Variants in MARCHF1 observed in about 807,000 individuals in gnomAD.
MARCHF1 encodes the protein membrane associated ring-CH-type finger 1.
Under a neutral mutation model 54.2 loss-of-function variants are expected in MARCHF1, and 40 were observed. The ratio of observed to expected loss-of-function variants is 0.74; its 90% CI spans 0.57 to 0.96. The LOEUF is 0.96. Ranked by LOEUF, MARCHF1 falls within the 40% of genes least tolerant of loss-of-function variation. The pLI is 0.00. For synonymous variants in MARCHF1, 236 were observed against 236.3 expected (o/e 1.00, Z 0.01); for missense variants, 586 against 656.5 (o/e 0.89, Z 1.17).
intron 3 of MARCHF1, among the ~76,000 whole-genome samples, chr4:163,934,656 A>T (rs1302272197): frequency 6.7e-6 from 1 of 149,196 alleles, no homozygotes; most frequent in Non-Finnish European, 1.5e-5. Flanking sequence ...CAATTCAGTC[A>T]TATCTTCAGG....
At chr4:163,550,507 C>CTTTT (rs35963243) in intron 8 of MARCHF1, among the ~76,000 whole-genome samples, 1 of 142,218 alleles carries the variant, frequency 7.0e-6, no homozygotes, top group African/African-American at 2.6e-5. Context: ...TACGGTAGCC[C>CTTTT]TTTTTTTTTT....
At chr4:163,860,178 C>T (rs1749885411) in intron 3 of MARCHF1, among the ~76,000 whole-genome samples, 1 of 152,100 alleles carries the variant, frequency 6.6e-6, no homozygotes, top group South Asian at 2.1e-4. Context: ...TTTCAGAATA[C>T]ATGGAGAGAA....
intron 4 of MARCHF1, among the ~76,000 whole-genome samples, chr4:163,720,487 C>G (rs1038387314): frequency 9.9e-5 from 15 of 152,064 alleles, no homozygotes; most frequent in Non-Finnish European, 1.9e-4. Flanking sequence ...GTTCTTTTGG[C>G]TTAAGATTGT....
At chr4:164,322,779 A>G (rs528135154) in intron 1 of MARCHF1, among the ~76,000 whole-genome samples, 1 of 152,204 alleles carries the variant, frequency 6.6e-6, no homozygotes, top group Non-Finnish European at 1.5e-5. Context: ...ATGAAGACAG[A>G]AAGAATGCAA....
intron 1 of MARCHF1, among the ~76,000 whole-genome samples, chr4:164,193,390 TGCGA>T (rs1731171413): frequency 6.6e-6 from 1 of 152,060 alleles, no homozygotes; most frequent in African/African-American, 2.4e-5. Context: ...GAAGTTGATT[TGCGA>T]GCTATGCTCC....
chr4:164,137,786 A>G (rs1165708215), intron 1 of MARCHF1, among the ~76,000 whole-genome samples: 1 of 152,172 alleles, frequency 6.6e-6, no homozygotes, highest in Non-Finnish European at 1.5e-5. Flanking sequence ...CCTTGTTATG[A>G]TAGAACTAAA....
At chr4:164,146,778 C>T (rs1474753696) in intron 1 of MARCHF1, among the ~76,000 whole-genome samples, 2 of 152,138 alleles carry the variant, frequency 1.3e-5, no homozygotes, top group African/African-American at 4.8e-5. Context: ...AACTTCATGT[C>T]TAAAACACCA....
rs72989556 is a variant in MARCHF1, at chr4:164,283,879, T to C, written c.-323+99991A>G. On this transcript the variant is annotated intron_variant, in intron 1 of 9. Transcript: ENST00000514618. Reference sequence around the variant, plus strand: ...AATTTTCATTTCTGATTTGATCTAATGTATTCTATTTATCCACATGAGGTT... The same window carrying C: ...AATTTTCATTTCTGATTTGATCTAACGTATTCTATTTATCCACATGAGGTT... 6.1e-3 allele frequency among the ~76,000 whole-genome samples: 922 copies of C among 151,134 alleles called. 31 individuals carry two copies. Among genetic ancestry groups the C allele is most frequent in the African/African-American group, 0.022 (892 of 41,272 alleles).
chr4:163,960,468 T>C (rs1472693309), intron 3 of MARCHF1, among the ~76,000 whole-genome samples: 1 of 152,032 alleles, frequency 6.6e-6, no homozygotes, highest in African/African-American at 2.4e-5. Context: ...CGGAATACTA[T>C]GCAACCATAA....
intron 1 of MARCHF1, among the ~76,000 whole-genome samples, chr4:164,159,383 T>C (rs951645084): frequency 1.5e-4 from 23 of 152,148 alleles, no homozygotes; most frequent in Middle Eastern, 3.2e-3. Context: ...AAAACGTCCA[T>C]GTTAAAAAAT....
intron 5 of MARCHF1, among the ~76,000 whole-genome samples, chr4:163,636,666 C>T (rs1742338912): frequency 6.6e-6 from 1 of 151,958 alleles, no homozygotes; most frequent in African/African-American, 2.4e-5. Flanking sequence ...AATGGCCATA[C>T]TGCCCAAGGT....
chr4:163,720,324 G>C (rs1745404626), intron 4 of MARCHF1, among the ~76,000 whole-genome samples: 1 of 152,170 alleles, frequency 6.6e-6, no homozygotes, highest in African/African-American at 2.4e-5. Flanking sequence ...GTTTGTCAAA[G>C]ATCAGATGGT....
chr4:163,601,774 T>C (rs1740980077), intron 7 of MARCHF1, among the ~76,000 whole-genome samples: 1 of 152,014 alleles, frequency 6.6e-6, no homozygotes. Flanking sequence ...AGCAAGGAAA[T>C]GTCTGTTTTT....
chr4:163,673,514 C>G (rs561775998), intron 5 of MARCHF1, among the ~76,000 whole-genome samples: 4 of 151,968 alleles, frequency 2.6e-5, no homozygotes, highest in African/African-American at 9.6e-5. Flanking sequence ...AAACAAAACA[C>G]TAACAGAAGA....
intron 2 of MARCHF1, among the ~76,000 whole-genome samples, chr4:164,092,823 A>G (rs1265952852): frequency 7.2e-6 from 1 of 139,606 alleles, no homozygotes; most frequent in African/African-American, 2.7e-5. Context: ...AAGGAAATTG[A>G]TTTCTTGATC....
intron 5 of MARCHF1, among the ~76,000 whole-genome samples, chr4:163,621,646 G>A (rs1172835437): frequency 6.6e-6 from 1 of 152,118 alleles, no homozygotes; most frequent in African/African-American, 2.4e-5. Flanking sequence ...AATCTATAGA[G>A]AAAGGAGACA....
intron 2 of MARCHF1, among the ~76,000 whole-genome samples, chr4:164,104,034 G>T (rs1243139468): frequency 2.0e-5 from 3 of 151,470 alleles, no homozygotes; most frequent in African/African-American, 7.3e-5. Context: ...ATAAATTCCT[G>T]GACACATGCA....
rs1459783938 is a variant in MARCHF1, at chr4:163,614,523, G to T, written c.163-1130C>A. ...AAGAAAATAACAGTAAAGGTAAAAAGATTACCCCAAATTTCGAAGTCATTC... is the reference window on the plus strand; with the variant it reads ...AAGAAAATAACAGTAAAGGTAAAAATATTACCCCAAATTTCGAAGTCATTC... On this transcript the variant is annotated intron_variant, in intron 5 of 9. Coordinates refer to ENST00000514618, the MANE Select transcript of MARCHF1 (RefSeq NM_001394959.1). Among the ~76,000 whole-genome samples the T allele has an allele frequency of 3.9e-5, 6 of 152,060 alleles. No homozygotes were observed. The East Asian group carries it at 1.2e-3, about 29-fold the overall frequency.
chr4:164,325,724 T>C (rs1735260309), intron 1 of MARCHF1, among the ~76,000 whole-genome samples: 1 of 151,506 alleles, frequency 6.6e-6, no homozygotes, highest in African/African-American at 2.4e-5. Context: ...CGAGACTCAC[T>C]CTCAAAAAAA....
Sources: allele counts gnomAD v4.1 joint callset (sites outside exome capture counted in the v4.1 genomes callset), GRCh38; gene constraint gnomAD v4.1.1; transcripts MANE v1.5; gene names NCBI Gene and HGNC (gene_info 2026-07-23, HGNC 2026-07-21).